The following ANKRD50 variants were observed in gnomAD, a reference collection of about 807,000 sequenced individuals.
ANKRD50 encodes ankyrin repeat domain 50.
A neutral mutation model predicts 112.0 loss-of-function variants in ANKRD50; 40 were observed. That is an observed-to-expected ratio of 0.36 (90% confidence interval 0.28 to 0.46). ANKRD50 has a LOEUF of 0.46. Ranked by LOEUF, ANKRD50 falls within the 20% of genes least tolerant of loss-of-function variation. The probability of loss-of-function intolerance (pLI) is 1.00; values close to 1 mark genes in which losing one functional copy is unlikely to be tolerated. For synonymous variants in ANKRD50, 613 were observed against 619.1 expected (o/e 0.99, Z 0.15); for missense variants, 1,487 against 1,701.7 (o/e 0.87, Z 2.22).
rs140933410 is a variant in ANKRD50, at chr4:124,694,635, T to C, written c.512+15365A>G. Among the ~76,000 whole-genome samples, 474 of 152,304 alleles carry C rather than the reference T, an allele frequency of 3.1e-3. 1 individual carries two copies. Among genetic ancestry groups the C allele is most frequent in the African/African-American group, 0.011 (445 of 41,574 alleles). ...CACTGCTGACTACCACCCAAGGCTA[T>C]GGCTTTTAAGAAGCAGCAGGGAGCA... On this transcript the variant is annotated intron_variant, in intron 2 of 4. Coordinates refer to ENST00000504087, the MANE Select transcript of ANKRD50 (RefSeq NM_020337.3).
At position 124,682,223 on chromosome 4, in the gene ANKRD50, G is replaced by A. The variant is rs184761654; in HGVS notation, c.513-3318C>T. Among the ~76,000 whole-genome samples, 329 of 150,458 alleles carry A rather than the reference G, an allele frequency of 2.2e-3. 3 individuals carry two copies. The highest frequency in any genetic ancestry group is 7.7e-3 in the African/African-American group (315 of 40,804). ...CCCAGCTCCTTGGGAGGCTGAGGCA[G>A]GAGAATGGCGTGAACCCGGGAAGCA... On this transcript the variant is annotated intron_variant, in intron 2 of 4. Transcript: ENST00000504087.
chr4:124,668,917 A>G, intron 4 of ANKRD50, 67 bp downstream of exon 4: 1 of 1,430,160 alleles, frequency 7.0e-7, no homozygotes, highest in South Asian at 1.3e-5. Flanking sequence ...GTGATCAAGG[A>G]AAAGAGCATT....
At position 124,670,165 on chromosome 4, in the gene ANKRD50, C is replaced by G; in HGVS notation, c.3112G>C (p.Val1038Leu). The G allele has an allele frequency of 4.3e-6, 7 of 1,612,706 alleles. No homozygotes were observed. The highest frequency in any genetic ancestry group is 5.9e-6 in the Non-Finnish European group (7 of 1,179,558). Residue 1038 changes from valine (V) to leucine (L), a missense_variant, in exon 4 of 5, where the codon GTT (valine) becomes CTT (leucine). By Grantham distance (32) the Val-to-Leu change is conservative. This residue lies in a region of ANKRD50 where 1,046 missense variants were observed against 1,269.5 expected (regional missense o/e 0.82). Transcript: ENST00000504087. Reference protein sequence around the residue: ...VQLLIEHGAVVDHTCNQGATA... With the variant: ...VQLLIEHGAVLDHTCNQGATA... ...GCACCTTGGTTACATGTATGGTCAA[C>G]TACAGCACCATGCTCAATCAGAAGC...
At chr4:124,676,515 C>A (rs182992488) in intron 3 of ANKRD50, among the ~76,000 whole-genome samples, 9 of 151,286 alleles carry the variant, frequency 5.9e-5, no homozygotes, top group Admixed American at 5.9e-4. Context: ...TCTATATGTA[C>A]ACACACCCAA....
chr4:124,692,237 A>C (rs1246564068), intron 2 of ANKRD50, among the ~76,000 whole-genome samples: 1 of 152,186 alleles, frequency 6.6e-6, no homozygotes, highest in East Asian at 1.9e-4. Flanking sequence ...ACGTATACTC[A>C]ACTTGTATTA....
intron 2 of ANKRD50, among the ~76,000 whole-genome samples, chr4:124,698,665 C>T (rs1437572348): frequency 2.0e-5 from 3 of 152,066 alleles, no homozygotes; most frequent in African/African-American, 7.2e-5. Context: ...GCTTATTTCA[C>T]TCTCATTTTC....
intron 2 of ANKRD50, among the ~76,000 whole-genome samples, chr4:124,690,883 CCAAA>C (rs1402105546): frequency 2.0e-5 from 3 of 152,076 alleles, no homozygotes; most frequent in Non-Finnish European, 2.9e-5. Flanking sequence ...CTCATGTACC[CCAAA>C]CAAATTTGTG....
At chr4:124,681,813 AT>A (rs977822406) in intron 2 of ANKRD50, among the ~76,000 whole-genome samples, 17 of 152,128 alleles carry the variant, frequency 1.1e-4, no homozygotes, top group Non-Finnish European at 2.9e-5. Flanking sequence ...CCCTCTAAGT[AT>A]TTTCAGTATC....
At chr4:124,701,033 C>T (rs1263055689) in intron 2 of ANKRD50, among the ~76,000 whole-genome samples, 1 of 152,160 alleles carries the variant, frequency 6.6e-6, no homozygotes, top group Non-Finnish European at 1.5e-5. Context: ...GCCGTGATCT[C>T]AGCTCACTGC....
chr4:124,680,751 G>T (rs1450375888), intron 2 of ANKRD50, among the ~76,000 whole-genome samples: 2 of 152,124 alleles, frequency 1.3e-5, no homozygotes, highest in Non-Finnish European at 2.9e-5. Flanking sequence ...GGGGAAGTGT[G>T]GGGGAGAGGT....
chr4:124,670,222 C>T lies in ANKRD50; in HGVS notation c.3055G>A (p.Ala1019Thr). The T allele has an allele frequency of 6.2e-7, 1 of 1,613,650 alleles. No individual in the cohort carries two copies. The highest frequency in any genetic ancestry group is 8.5e-7 in the Non-Finnish European group (1 of 1,179,820). Residue 1019 changes from alanine to threonine, a missense_variant, in exon 4 of 5, where the codon GCA (alanine) becomes ACA (threonine). Physicochemically the swap from Ala to Thr is moderately conservative, Grantham distance 58. Coordinates refer to ENST00000504087, the MANE Select transcript of ANKRD50 (RefSeq NM_020337.3). ...ACTTTTACATGGCCCTGCCAGGCTG[C>T]AGACTGCAAAGCAGAGCGCTTTTCA... ...DNEKRSALQS[A>T]AWQGHVKVVQ...
intron 2 of ANKRD50, among the ~76,000 whole-genome samples, chr4:124,708,514 C>T (rs1429110710): frequency 6.6e-6 from 1 of 151,900 alleles, no homozygotes; most frequent in Non-Finnish European, 1.5e-5. Flanking sequence ...AATTCTGTAC[C>T]ATCCCTAACT....
chr4:124,709,808 C>A (rs943252611), intron 2 of ANKRD50, among the ~76,000 whole-genome samples, 192 bp downstream of exon 2: 2 of 152,100 alleles, frequency 1.3e-5, no homozygotes, highest in African/African-American at 4.8e-5. Context: ...AATCCATATG[C>A]TGTGCAATAC....
At chr4:124,711,432 T>G (rs535127723) in intron 1 of ANKRD50, among the ~76,000 whole-genome samples, 158 bp from the exon 2 acceptor site, 1 of 152,182 alleles carries the variant, frequency 6.6e-6, no homozygotes, top group Non-Finnish European at 1.5e-5. Context: ...ACCACTGAAA[T>G]AATCACATTC....
rs546928152 is a variant in ANKRD50, at chr4:124,698,518, T to C, written c.512+11482A>G. On this transcript the variant is annotated intron_variant, in intron 2 of 4. Transcript: ENST00000504087. ...AGGTTGAGAAGAGAGAAGTGTGAAATGGTCAAGTAGGTGAGCAAGGGAATG... is the reference window on the plus strand; with the variant it reads ...AGGTTGAGAAGAGAGAAGTGTGAAACGGTCAAGTAGGTGAGCAAGGGAATG... Among the ~76,000 whole-genome samples the C allele has an allele frequency of 2.0e-5, 3 of 151,974 alleles. No homozygotes were observed. The East Asian group carries it at 5.8e-4, about 29-fold the overall frequency.
chr4:124,685,401 G>A (rs1724985113), intron 2 of ANKRD50, among the ~76,000 whole-genome samples: 1 of 152,094 alleles, frequency 6.6e-6, no homozygotes, highest in Non-Finnish European at 1.5e-5. Flanking sequence ...TATTTCAAAA[G>A]CACCTATTTG....
At chr4:124,668,248 C>T (rs1730544925) in intron 4 of ANKRD50, among the ~76,000 whole-genome samples, 1 of 151,916 alleles carries the variant, frequency 6.6e-6, no homozygotes, top group Admixed American at 6.6e-5. Context: ...ACTATTTTAT[C>T]CAGGTATAAA....
In ANKRD50 at chr4:124,664,227, A is replaced by G. The variant is rs1339316629; in HGVS notation, c.*3291T>C. On this transcript the variant is annotated 3_prime_UTR_variant, in exon 5 of 5. Coordinates refer to ENST00000504087, the MANE Select transcript of ANKRD50 (RefSeq NM_020337.3). ...GGCACAAAACCTGACATGGTGTGATATAGTATATAATCAGTCACGGGGGGG... is the reference window on the plus strand; with the variant it reads ...GGCACAAAACCTGACATGGTGTGATGTAGTATATAATCAGTCACGGGGGGG... 1 of 149,898 alleles carries G rather than the reference A, an allele frequency of 6.7e-6. No individual in the cohort carries two copies. Among genetic ancestry groups the G allele is most frequent in the African/African-American group, 2.5e-5 (1 of 40,600 alleles). The allele number at this position is 149,898 out of a possible 1,614,324, so 9.3% of individuals were successfully genotyped here.
chr4:124,680,599 G>A (rs779739071), intron 2 of ANKRD50, among the ~76,000 whole-genome samples: 1 of 152,136 alleles, frequency 6.6e-6, no homozygotes, highest in African/African-American at 2.4e-5. Context: ...TGTCCATTAT[G>A]AGCATAAAGA....
Sources: allele counts gnomAD v4.1 joint callset (sites outside exome capture counted in the v4.1 genomes callset), GRCh38; gene constraint gnomAD v4.1.1; regional missense constraint gnomAD v4.1.1; transcripts MANE v1.5; gene names NCBI Gene and HGNC (gene_info 2026-07-23, HGNC 2026-07-21).